MTUS1: variants seen among roughly 807,000 people sequenced by gnomAD.
MTUS1 encodes the protein microtubule-associated tumor suppressor 1.
Under a neutral mutation model 120.8 loss-of-function variants are expected in MTUS1, and 109 were observed. The observed-to-expected ratio is 0.90, with a 90% CI of 0.77 to 1.06. The LOEUF is 1.06. Among genes scored for constraint, MTUS1 ranks in the 50% least tolerant of loss-of-function variants. The pLI is 0.00. For synonymous variants in MTUS1, 737 were observed against 550.5 expected (o/e 1.34, Z -4.74); for missense variants, 2,210 against 1,486.3 (o/e 1.49, Z -8.01).
intron 6 of MTUS1, among the ~76,000 whole-genome samples, chr8:17,702,459 T>G (rs963822752): frequency 3.9e-5 from 6 of 152,218 alleles, no homozygotes; most frequent in Non-Finnish European, 7.3e-5. Context: ...AATATAATAT[T>G]GTTAACTGTA....
intron 1 of MTUS1, among the ~76,000 whole-genome samples, chr8:17,788,393 C>T (rs1403608168): frequency 1.3e-5 from 2 of 152,126 alleles, no homozygotes; most frequent in African/African-American, 2.4e-5. Context: ...CCAACTAATC[C>T]TTCCTACCCA....
intron 2 of MTUS1, 21 bp downstream of exon 2, chr8:17,753,696 A>T: frequency 1.3e-6 from 2 of 1,500,830 alleles, no homozygotes; most frequent in Non-Finnish European, 9.0e-7. Flanking sequence ...AGCATGCAAA[A>T]AATATATATA....
At chr8:17,716,300 C>A (rs146789250) in intron 4 of MTUS1, among the ~76,000 whole-genome samples, 81 of 152,296 alleles carry the variant, frequency 5.3e-4, no homozygotes, top group Non-Finnish European at 1.0e-3. Flanking sequence ...GTTAATGACA[C>A]AAGAACAGTA....
intron 1 of MTUS1, among the ~76,000 whole-genome samples, chr8:17,798,669 T>A (rs117087424): frequency 6.6e-6 from 1 of 152,206 alleles, no homozygotes; most frequent in Non-Finnish European, 1.5e-5. Context: ...CAGTCACATA[T>A]AGTTCTGAAG....
At chr8:17,725,295 T>A (rs940966416) in intron 3 of MTUS1, among the ~76,000 whole-genome samples, 1 of 152,222 alleles carries the variant, frequency 6.6e-6, no homozygotes, top group Admixed American at 6.5e-5. Context: ...TCTAGCGATT[T>A]TGCTCATAAA....
chr8:17,739,040 C>T (rs554500014), intron 3 of MTUS1, among the ~76,000 whole-genome samples: 2 of 151,860 alleles, frequency 1.3e-5, no homozygotes, highest in East Asian at 1.9e-4. Context: ...GTACATGGGA[C>T]GCTGAGACAG....
intron 7 of MTUS1, among the ~76,000 whole-genome samples, chr8:17,677,999 A>C (rs557991849): frequency 9.1e-4 from 139 of 152,294 alleles, no homozygotes; most frequent in African/African-American, 3.3e-3. Context: ...ATCCAGGCTC[A>C]ATTCTTTTGG....
intron 3 of MTUS1, among the ~76,000 whole-genome samples, chr8:17,735,783 C>T (rs1319136249): frequency 6.6e-6 from 1 of 152,260 alleles, no homozygotes; most frequent in African/African-American, 2.4e-5. Context: ...TGTTGTGCAA[C>T]CAGTACACTG....
chr8:17,667,557 T>C lies in MTUS1; in HGVS notation c.2905+7629A>G, dbSNP rs546597140. On this transcript the variant is annotated intron_variant, in intron 8 of 14. Transcript: ENST00000693296. ...TATACTGCTTTTGGCAATGTACTGT[T>C]TTTTGCAAGTTACTTTCCTCAGTAA... Among the ~76,000 whole-genome samples the C allele has an allele frequency of 2.6e-5, 4 of 152,240 alleles. No homozygotes were observed. The South Asian group carries it at 8.3e-4, about 32-fold the overall frequency.
intron 7 of MTUS1, among the ~76,000 whole-genome samples, chr8:17,683,852 G>T (rs557984861): frequency 1.3e-5 from 2 of 152,172 alleles, no homozygotes; most frequent in Non-Finnish European, 2.9e-5. Context: ...GCACCACAGA[G>T]ATTGTTTTAG....
chr8:17,747,909 G>C (rs1030001949), intron 2 of MTUS1, among the ~76,000 whole-genome samples: 1 of 152,164 alleles, frequency 6.6e-6, no homozygotes, highest in Non-Finnish European at 1.5e-5. Flanking sequence ...CAGGCAAAGA[G>C]AGCTCATGCA....
chr8:17,724,153 T>A lies in MTUS1; in HGVS notation c.2288-320A>T, dbSNP rs757578710. 4.9e-5 allele frequency: 24 copies of A among 491,500 alleles called. 1 individual carries two copies. Among genetic ancestry groups the A allele is most frequent in the South Asian group, 3.2e-4 (20 of 62,394 alleles). The allele number at this position is 491,500 out of a possible 1,614,324, so 30.4% of individuals were successfully genotyped here. A position where few individuals can be genotyped will look rare whatever the true frequency, so the allele number is the denominator to read the frequency against. ...TCAGAATAATCATGAGAAAGCAGCT[T>A]TTGGCAAAACTGAAATAAAAAAATA... On this transcript the variant is annotated intron_variant, in intron 3 of 14. Coordinates refer to ENST00000693296, the MANE Select transcript of MTUS1 (RefSeq NM_001363059.2).
chr8:17,657,659 TAA>T lies in MTUS1; in HGVS notation c.2906-1596_2906-1595del, dbSNP rs60180794. On this transcript the variant is annotated intron_variant, in intron 8 of 14. Transcript: ENST00000693296. ...CATAGGGAAACCCATCTCTTAAAAT[TAA>T]AAAAAAAAAAAAAAAATTATCCAGG... 2.7e-3 allele frequency among the ~76,000 whole-genome samples: 363 copies of T among 136,182 alleles called. 4 individuals carry two copies. Among genetic ancestry groups the T allele is most frequent in the African/African-American group, 9.0e-3 (326 of 36,328 alleles). 89.3% of individuals were successfully genotyped at this position (136,182 alleles called of 152,430 possible). A position where few individuals can be genotyped will look rare whatever the true frequency, so the allele number is the denominator to read the frequency against.
intron 1 of MTUS1, among the ~76,000 whole-genome samples, chr8:17,765,050 T>C (rs934680544): frequency 6.6e-6 from 1 of 152,158 alleles, no homozygotes; most frequent in Non-Finnish European, 1.5e-5. Flanking sequence ...CTGGAAGTGA[T>C]GGGAGACAGT....
rs1016280018 is a variant in MTUS1 at position 17,714,299 on chromosome 8, G to T, written c.2585-1047C>A. Among the ~76,000 whole-genome samples, 5 of 152,056 alleles carry T rather than the reference G, an allele frequency of 3.3e-5. No homozygotes were observed. The East Asian group carries it at 7.7e-4, about 23-fold the overall frequency. The stretch of plus-strand genomic sequence containing the variant: ...TTGACATACATTAACCAGCCTCAAG[G>T]TACCATATTATCCTTTAAACACACA... On this transcript the variant is annotated intron_variant, in intron 5 of 14. Transcript: ENST00000693296.
At chr8:17,693,333 C>G (rs1347912216) in intron 6 of MTUS1, 1 of 152,152 alleles carries the variant, frequency 6.6e-6, no homozygotes, top group Non-Finnish European at 1.5e-5. Flanking sequence ...ACGCACAGTT[C>G]CTGACAAATT....
chr8:17,688,373 C>G (rs1362408173), intron 6 of MTUS1, among the ~76,000 whole-genome samples: 6 of 152,220 alleles, frequency 3.9e-5, no homozygotes, highest in Non-Finnish European at 8.8e-5. Flanking sequence ...TCATGTTTCC[C>G]TAGTGCTCAG....
chr8:17,783,702 G>A (rs1014983297), intron 1 of MTUS1, among the ~76,000 whole-genome samples: 1 of 152,056 alleles, frequency 6.6e-6, no homozygotes, highest in Non-Finnish European at 1.5e-5. Context: ...CAGCCTATTG[G>A]TGACAGCCTT....
rs150078957 is a variant in MTUS1 at position 17,727,319 on chromosome 8, G to T, written c.2288-3486C>A. Reference sequence around the variant, plus strand: ...AATGGCTTACTTGGGTCACATACCCGGCCAGTGACAGTAAGGCCTAGAATC... The same window carrying T: ...AATGGCTTACTTGGGTCACATACCCTGCCAGTGACAGTAAGGCCTAGAATC... On this transcript the variant is annotated intron_variant, in intron 3 of 14. Transcript: ENST00000693296. Among the ~76,000 whole-genome samples, 302 of 152,276 alleles carry T rather than the reference G, an allele frequency of 2.0e-3. 4 individuals carry two copies. In the South Asian group the frequency reaches 0.025, roughly 13 times the overall value.
Sources: allele counts gnomAD v4.1 joint callset (sites outside exome capture counted in the v4.1 genomes callset), GRCh38; gene constraint gnomAD v4.1.1; transcripts MANE v1.5; gene names NCBI Gene and HGNC (gene_info 2026-07-23, HGNC 2026-07-21).